The following HDAC9 variants were observed in gnomAD, a reference collection of about 807,000 sequenced individuals.
HDAC9 encodes the protein histone deacetylase 9, also known as MEF-2 interacting transcription repressor (MITR) protein.
A neutral mutation model predicts 139.4 loss-of-function variants in HDAC9; 41 were observed. That is an observed-to-expected ratio of 0.29 (90% CI 0.23 to 0.38). The LOEUF is 0.38. Among genes scored for constraint, HDAC9 ranks in the 10% least tolerant of loss-of-function variants. HDAC9 has a pLI of 1.00. For synonymous variants in HDAC9, 517 were observed against 476.2 expected, an observed-to-expected ratio of 1.09 and a Z score of -1.12; for missense variants, 1,147 against 1,297.0, an observed-to-expected ratio of 0.88 and a Z score of 1.78.
intron 1 of HDAC9, among the ~76,000 whole-genome samples, chr7:18,404,987 G>A (rs749170540): frequency 2.6e-5 from 4 of 152,150 alleles, no homozygotes; most frequent in East Asian, 3.9e-4. Context: ...ACACACCCTC[G>A]CACTTACTTA....
intron 2 of HDAC9, among the ~76,000 whole-genome samples, chr7:18,240,080 G>A (rs1298596496): frequency 2.6e-5 from 4 of 151,704 alleles, no homozygotes; most frequent in African/African-American, 9.7e-5. Context: ...TTTTAACTTG[G>A]AACTTGGTAA....
At chr7:18,585,217 G>T (rs1052738220) in intron 2 of HDAC9, 64 bp from the exon 3 acceptor site, 35 of 1,553,108 alleles carry the variant, frequency 2.3e-5, no homozygotes, top group Middle Eastern at 1.7e-4. Context: ...CCAAATCAAT[G>T]TGCTAATTTC....
At chr7:18,114,627 A>T (rs1000025672) in intron 1 of HDAC9, among the ~76,000 whole-genome samples, 5 of 152,184 alleles carry the variant, frequency 3.3e-5, no homozygotes, top group Non-Finnish European at 5.9e-5. Flanking sequence ...CCATTCTTCA[A>T]TGTCAATCTA....
In HDAC9 at chr7:18,642,461, G is replaced by C. The variant is rs191664858; in HGVS notation, c.913-2210G>C. Among the ~76,000 whole-genome samples, 733 of 152,224 alleles carry C rather than the reference G, an allele frequency of 4.8e-3. 4 individuals are homozygous for C. The highest frequency in any genetic ancestry group is 0.01 in the Middle Eastern group (3 of 294). On this transcript the variant is annotated intron_variant, in intron 8 of 25. Coordinates refer to ENST00000686413, the MANE Select transcript of HDAC9 (RefSeq NM_178425.4). ...ATCTCATAGCCTTGGTCAGTTTAAA[G>C]GTTTTGTTGCTGGTCCCACATGGAA...
At chr7:18,596,424 C>T (rs934962143) in intron 6 of HDAC9, among the ~76,000 whole-genome samples, 13 of 152,002 alleles carry the variant, frequency 8.6e-5, no homozygotes, top group Non-Finnish European at 1.8e-4. Flanking sequence ...GGTGTATTTC[C>T]AATTCCATTA....
At chr7:18,428,425 A>C (rs1356883331) in intron 1 of HDAC9, among the ~76,000 whole-genome samples, 1 of 152,224 alleles carries the variant, frequency 6.6e-6, no homozygotes, top group African/African-American at 2.4e-5. Context: ...AACAGTAAGA[A>C]AATTAATAAT....
At chr7:18,361,829 A>C (rs960705770) in intron 1 of HDAC9, among the ~76,000 whole-genome samples, 5 of 151,992 alleles carry the variant, frequency 3.3e-5, no homozygotes, top group African/African-American at 9.7e-5. Flanking sequence ...AAAAAAAAAA[A>C]CATTCTGGCA....
chr7:18,124,916 A>C (rs532596643), intron 1 of HDAC9, among the ~76,000 whole-genome samples: 1 of 145,836 alleles, frequency 6.9e-6, no homozygotes, highest in South Asian at 2.2e-4. Context: ...TTTTTTTAAC[A>C]TTGTTAGCAA....
chr7:18,698,471 A>G (rs1783216624), intron 12 of HDAC9, among the ~76,000 whole-genome samples: 1 of 152,230 alleles, frequency 6.6e-6, no homozygotes, highest in Non-Finnish European at 1.5e-5. Flanking sequence ...CACAATCATA[A>G]AAGCTATAGT....
At chr7:18,738,864 T>G (rs1787175341) in intron 13 of HDAC9, among the ~76,000 whole-genome samples, 1 of 152,268 alleles carries the variant, frequency 6.6e-6, no homozygotes, top group Non-Finnish European at 1.5e-5. Context: ...TTTTCCAAGT[T>G]GTTTCCCTTC....
rs1021035324 is a variant in HDAC9 at position 18,199,863 on chromosome 7, G to T, written c.25+37514G>T. ...GAGGATTGCTGGAGCCCAGGAATTTGAGGCTGCAGTGAGCTATGATCACAC... is the reference window on the plus strand; with the variant it reads ...GAGGATTGCTGGAGCCCAGGAATTTTAGGCTGCAGTGAGCTATGATCACAC... On this transcript the variant is annotated intron_variant, in intron 2 of 12. Transcript: ENST00000417496. Among the ~76,000 whole-genome samples, 97 of 150,578 alleles carry T rather than the reference G, an allele frequency of 6.4e-4. 2 individuals carry two copies. The highest frequency in any genetic ancestry group is 1.9e-4 in the Non-Finnish European group (13 of 67,718).
intron 1 of HDAC9, among the ~76,000 whole-genome samples, chr7:18,412,230 A>G (rs1419192830): frequency 6.6e-6 from 1 of 152,142 alleles, no homozygotes; most frequent in African/African-American, 2.4e-5. Context: ...CCTGTCTGGG[A>G]GAAAATGTTA....
chr7:18,112,320 C>G (rs1220167840), intron 1 of HDAC9, among the ~76,000 whole-genome samples: 2 of 152,122 alleles, frequency 1.3e-5, no homozygotes, highest in Non-Finnish European at 2.9e-5. Context: ...TGTTGATTTT[C>G]TAGACCTGAG....
intron 6 of HDAC9, among the ~76,000 whole-genome samples, chr7:18,626,314 T>C (rs1329419215): frequency 6.6e-6 from 1 of 152,156 alleles, no homozygotes; most frequent in Non-Finnish European, 1.5e-5. Flanking sequence ...CTTAATTCTT[T>C]GGCCACCAGC....
At chr7:18,627,143 C>T (rs1473591346) in intron 6 of HDAC9, among the ~76,000 whole-genome samples, 1 of 152,208 alleles carries the variant, frequency 6.6e-6, no homozygotes, top group South Asian at 2.1e-4. Context: ...GCACTATAAT[C>T]TCACTGCAAA....
chr7:18,278,002 A>G (rs961580742), intron 2 of HDAC9, among the ~76,000 whole-genome samples: 9 of 152,326 alleles, frequency 5.9e-5, no homozygotes, highest in African/African-American at 1.9e-4. Flanking sequence ...TTCTTCAGCT[A>G]GTGACATCAG....
intron 25 of HDAC9, among the ~76,000 whole-genome samples, chr7:18,987,097 A>G (rs569654292): frequency 6.6e-6 from 1 of 152,350 alleles, no homozygotes; most frequent in African/African-American, 2.4e-5. Flanking sequence ...AGAACTTCCA[A>G]CACTATGTTG....
intron 12 of HDAC9, among the ~76,000 whole-genome samples, chr7:18,680,787 T>G (rs890798254): frequency 1.3e-5 from 2 of 152,062 alleles, no homozygotes; most frequent in African/African-American, 4.8e-5. Context: ...CCTCTGAGGC[T>G]CTTTGTCTGT....
chr7:18,200,300 A>G (rs1791024374), intron 2 of HDAC9, among the ~76,000 whole-genome samples: 1 of 152,232 alleles, frequency 6.6e-6, no homozygotes, highest in South Asian at 2.1e-4. Context: ...TGTGAATGAT[A>G]AATTTCCATG....
Sources: allele counts gnomAD v4.1 joint callset (sites outside exome capture counted in the v4.1 genomes callset), GRCh38; gene constraint gnomAD v4.1.1; transcripts MANE v1.5; gene names NCBI Gene and HGNC (gene_info 2026-07-23, HGNC 2026-07-21).